The following HAPSTR1 variants were observed in gnomAD, a reference collection of about 807,000 sequenced individuals.
HAPSTR1 encodes HUWE1 associated protein modifying stress responses.
chr16:9,103,801 G>C, the HAPSTR1 span: 2 of 153,672 alleles, frequency 1.3e-5, no homozygotes, highest in Non-Finnish European at 2.9e-5. Flanking sequence ...GACCAGCAGA[G>C]TGCAGCCAGT....
At chr16:9,114,283 G>A in the HAPSTR1 span, among the ~76,000 whole-genome samples, 1 of 152,084 alleles carries the variant, frequency 6.6e-6, no homozygotes, top group Non-Finnish European at 1.5e-5. Context: ...GGTAGGGGTT[G>A]AGGATATCAC....
the HAPSTR1 span, chr16:9,091,712 G>A: frequency 7.5e-6 from 3 of 399,726 alleles, no homozygotes; most frequent in Non-Finnish European, 1.3e-5. Context: ...CAGCGGCGGC[G>A]GCGGCAGTGG....
chr16:9,093,095 C>T, the HAPSTR1 span: 26 of 1,226,916 alleles, frequency 2.1e-5, no homozygotes, highest in Non-Finnish European at 2.8e-5. Flanking sequence ...TGCTCCCCAG[C>T]CCAGCTGCTA....
the HAPSTR1 span, among the ~76,000 whole-genome samples, chr16:9,097,234 C>G: frequency 7.5e-6 from 1 of 133,532 alleles, no homozygotes; most frequent in South Asian, 2.3e-4. Context: ...GCCACCGCGC[C>G]TGGCTCTTTT....
the HAPSTR1 span, chr16:9,092,416 C>G: frequency 4.2e-6 from 3 of 707,148 alleles, no homozygotes; most frequent in Non-Finnish European, 5.7e-6. Context: ...CCCTGCCGCC[C>G]CCTCCCCGCA....
At chr16:9,092,804 A>G in the HAPSTR1 span, 2 of 1,091,432 alleles carry the variant, frequency 1.8e-6, no homozygotes, top group African/African-American at 1.6e-5. Flanking sequence ...GGCGAAACCT[A>G]ATATGGCCGT....
the HAPSTR1 span, among the ~76,000 whole-genome samples, chr16:9,097,186 C>T: frequency 4.6e-5 from 7 of 151,632 alleles, no homozygotes; most frequent in South Asian, 2.1e-4. Context: ...GTGATCCGCC[C>T]GCCTTGGCCT....
the HAPSTR1 span, chr16:9,091,929 G>A: frequency 1.3e-5 from 11 of 862,010 alleles, 1 homozygote; most frequent in Admixed American, 2.6e-4. Context: ...AAAGGAGAAG[G>A]CGCCGTCGGT....
chr16:9,093,135 C>G, the HAPSTR1 span: 1 of 890,224 alleles, frequency 1.1e-6, no homozygotes, highest in South Asian at 1.6e-5. Flanking sequence ...TTGAGAATCG[C>G]GGCGGTGCTC....
chr16:9,098,925 C>T, the HAPSTR1 span, among the ~76,000 whole-genome samples: 1 of 152,100 alleles, frequency 6.6e-6, no homozygotes, highest in Non-Finnish European at 1.5e-5. Flanking sequence ...ACTTGCGATA[C>T]CTGCTCTAAT....
chr16:9,118,388 TTAA>T, the HAPSTR1 span: 1 of 152,662 alleles, frequency 6.6e-6, no homozygotes, highest in Non-Finnish European at 1.5e-5. Flanking sequence ...CTTCAGCCAT[TTAA>T]TAATATCTTT....
the HAPSTR1 span, chr16:9,092,318 G>T: frequency 2.1e-6 from 3 of 1,425,860 alleles, no homozygotes; most frequent in African/African-American, 1.5e-5. Context: ...CCCCCGCCCG[G>T]GCCCGGCCCC....
the HAPSTR1 span, chr16:9,107,988 C>T: frequency 7.0e-4 from 107 of 152,234 alleles, no homozygotes; most frequent in Admixed American, 6.9e-3. Context: ...GACCCAGAAC[C>T]TCTAGAAAGG....
the HAPSTR1 span, among the ~76,000 whole-genome samples, chr16:9,099,316 G>C: frequency 6.6e-6 from 1 of 151,892 alleles, no homozygotes; most frequent in Non-Finnish European, 1.5e-5. Flanking sequence ...TTCTGCCTCA[G>C]CCTCCCAAGT....
At chr16:9,121,003 GTC>G in the HAPSTR1 span, 1 of 152,108 alleles carries the variant, frequency 6.6e-6, no homozygotes, top group African/African-American at 2.4e-5. Context: ...TTGAGATGGA[GTC>G]TCTGTCGCTG....
chr16:9,093,041 C>G, the HAPSTR1 span: 1 of 1,559,202 alleles, frequency 6.4e-7, no homozygotes, highest in South Asian at 1.1e-5. Context: ...CAGGGAAGGG[C>G]CGCCTGCGTC....
the HAPSTR1 span, among the ~76,000 whole-genome samples, chr16:9,097,226 C>A: frequency 6.7e-6 from 1 of 149,224 alleles, no homozygotes; most frequent in Admixed American, 6.7e-5. Context: ...AGGCGTGAGC[C>A]ACCGCGCCTG....
chr16:9,096,536 G>A, the HAPSTR1 span, among the ~76,000 whole-genome samples: 1 of 152,064 alleles, frequency 6.6e-6, no homozygotes, highest in East Asian at 1.9e-4. Flanking sequence ...TTTTGGACTC[G>A]TACACTAAAG....
chr16:9,094,846 G>C, the HAPSTR1 span, among the ~76,000 whole-genome samples: 1 of 152,208 alleles, frequency 6.6e-6, no homozygotes, highest in Non-Finnish European at 1.5e-5. Context: ...AAATGGGATT[G>C]TCCTCTGGCT....
Sources: allele counts gnomAD v4.1 joint callset (sites outside exome capture counted in the v4.1 genomes callset), GRCh38; gene constraint gnomAD v4.1.1; transcripts MANE v1.5; gene names NCBI Gene and HGNC (gene_info 2026-07-23, HGNC 2026-07-21).